Variants in TMCC1 observed in about 807,000 individuals in gnomAD.
TMCC1 encodes transmembrane and coiled-coil domains protein 1.
Under a neutral mutation model 52.4 loss-of-function variants are expected in TMCC1, and 15 were observed. That is an observed-to-expected ratio of 0.29 (90% CI 0.19 to 0.44). The LOEUF is 0.44. Ranked by LOEUF, TMCC1 falls within the 20% of genes least tolerant of loss-of-function variation. The pLI is 1.00. For synonymous variants in TMCC1, 279 were observed against 301.9 expected (o/e 0.92, Z 0.79); for missense variants, 503 against 806.0 (o/e 0.62, Z 4.55).
At chr3:129,799,539 G>T (rs574749666) in intron 4 of TMCC1, among the ~76,000 whole-genome samples, 3 of 152,114 alleles carry the variant, frequency 2.0e-5, no homozygotes, top group Non-Finnish European at 4.4e-5. Context: ...GGCCGGGCAC[G>T]GTGGCTCACG....
At chr3:129,760,401 AGTGTGTGTGTGT>A (rs200322394) in intron 4 of TMCC1, among the ~76,000 whole-genome samples, 3 of 137,874 alleles carry the variant, frequency 2.2e-5, no homozygotes, top group South Asian at 2.4e-4. Context: ...ACGCCAGGCT[AGTGTGTGTGTGT>A]GTGTGTGTGT....
At chr3:129,793,248 G>A (rs563556322) in intron 4 of TMCC1, among the ~76,000 whole-genome samples, 7 of 152,162 alleles carry the variant, frequency 4.6e-5, no homozygotes, top group East Asian at 1.9e-4. Context: ...TAAAAATCCC[G>A]TTAGGCTTAG....
chr3:129,709,488 A>AG, intron 4 of TMCC1, among the ~76,000 whole-genome samples: 1 of 43,322 alleles, frequency 2.3e-5, no homozygotes, highest in African/African-American at 7.2e-5. Flanking sequence ...AAAAAAAAAA[A>AG]AAAAAAAAAA....
At chr3:129,726,895 A>AAAAAAAAAAAAAAAAAAAAC (rs1208458810) in intron 4 of TMCC1, among the ~76,000 whole-genome samples, 2 of 143,720 alleles carry the variant, frequency 1.4e-5, no homozygotes, top group African/African-American at 2.6e-5. Flanking sequence ...AAAAAAAAAA[A>AAAAAAAAAAAAAAAAAAAAC]AAAGAACCAC....
chr3:129,863,877 A>G (rs895962731), intron 2 of TMCC1, among the ~76,000 whole-genome samples: 3 of 152,074 alleles, frequency 2.0e-5, no homozygotes, highest in Non-Finnish European at 4.4e-5. Context: ...AAAAAAAAGA[A>G]TAAGGCTAAA....
At chr3:129,716,560 G>C (rs2049126052) in intron 4 of TMCC1, among the ~76,000 whole-genome samples, 1 of 149,670 alleles carries the variant, frequency 6.7e-6, no homozygotes, top group Non-Finnish European at 1.5e-5. Context: ...TGTTGGTCAG[G>C]CTGGTCTCAA....
intron 4 of TMCC1, among the ~76,000 whole-genome samples, chr3:129,776,104 C>T (rs768521605): frequency 3.5e-4 from 54 of 152,176 alleles, no homozygotes; most frequent in Non-Finnish European, 6.5e-4. Context: ...AGTCTTGCCT[C>T]TTTGCCTTTA....
At chr3:129,748,508 G>A (rs965380603) in intron 4 of TMCC1, among the ~76,000 whole-genome samples, 9 of 151,968 alleles carry the variant, frequency 5.9e-5, no homozygotes, top group Non-Finnish European at 1.2e-4. Flanking sequence ...GGCTGGTCTC[G>A]AACTCCTGAC....
chr3:129,779,786 G>A (rs1015201485), intron 4 of TMCC1, among the ~76,000 whole-genome samples: 1 of 152,142 alleles, frequency 6.6e-6, no homozygotes, highest in East Asian at 1.9e-4. Context: ...CAATAAGGAG[G>A]TTTGGTCACT....
chr3:129,805,018 A>C (rs2042274962), intron 4 of TMCC1, among the ~76,000 whole-genome samples: 1 of 152,212 alleles, frequency 6.6e-6, no homozygotes, highest in African/African-American at 2.4e-5. Flanking sequence ...CAGTATTGGC[A>C]ATTTCACATG....
intron 4 of TMCC1, among the ~76,000 whole-genome samples, chr3:129,676,861 A>G (rs2088494690): frequency 6.6e-6 from 1 of 152,200 alleles, no homozygotes; most frequent in Non-Finnish European, 1.5e-5. Flanking sequence ...GTATTAAGTC[A>G]GATGATGCCT....
intron 4 of TMCC1, among the ~76,000 whole-genome samples, chr3:129,691,200 A>T (rs565294542): frequency 6.6e-6 from 1 of 152,362 alleles, no homozygotes; most frequent in East Asian, 1.9e-4. Context: ...ATATCAAAAC[A>T]TTATCCAGCT....
At chr3:129,698,914 T>C (rs997718139) in intron 4 of TMCC1, among the ~76,000 whole-genome samples, 2 of 152,100 alleles carry the variant, frequency 1.3e-5, no homozygotes, top group Non-Finnish European at 1.5e-5. Context: ...CTTGACAATA[T>C]AGAAGAAGGT....
At chr3:129,688,804 T>C (rs1402317567) in intron 4 of TMCC1, 2 of 958,054 alleles carry the variant, frequency 2.1e-6, no homozygotes, top group South Asian at 4.8e-5. Flanking sequence ...GAGCATCTTT[T>C]ATAAAAGACA....
At chr3:129,732,277 T>C (rs1039968461) in intron 4 of TMCC1, among the ~76,000 whole-genome samples, 1 of 152,154 alleles carries the variant, frequency 6.6e-6, no homozygotes, top group Non-Finnish European at 1.5e-5. Context: ...CCAATAGAAA[T>C]TGCCAGAGAG....
intron 4 of TMCC1, among the ~76,000 whole-genome samples, chr3:129,740,173 A>G (rs1159037158): frequency 1.3e-5 from 2 of 152,202 alleles, no homozygotes; most frequent in Non-Finnish European, 2.9e-5. Flanking sequence ...CCTGGGCCCA[A>G]TATATACTAG....
At chr3:129,668,324 A>G (rs954853497) in intron 5 of TMCC1, among the ~76,000 whole-genome samples, 2 of 152,238 alleles carry the variant, frequency 1.3e-5, no homozygotes, top group Non-Finnish European at 2.9e-5. Flanking sequence ...ACATCAGTAG[A>G]GCACTATGGG....
At chr3:129,795,797 G>C (rs1046452859) in intron 4 of TMCC1, among the ~76,000 whole-genome samples, 2 of 152,190 alleles carry the variant, frequency 1.3e-5, no homozygotes, top group Non-Finnish European at 2.9e-5. Context: ...TCATCCCTTT[G>C]TCCAGCCTAT....
chr3:129,888,897 T>A (rs935368102), intron 1 of TMCC1, among the ~76,000 whole-genome samples: 4 of 152,168 alleles, frequency 2.6e-5, no homozygotes, highest in African/African-American at 4.8e-5. Flanking sequence ...AGCCCTGTGG[T>A]CTTCCTTCCA....
Sources: gnomAD v4.1 joint callset for allele counts (sites outside exome capture counted in the v4.1 genomes callset) on GRCh38, gnomAD v4.1.1 for gene constraint, MANE v1.5 for transcripts, NCBI Gene and HGNC (gene_info 2026-07-23, HGNC 2026-07-21) for gene names.